PRKCQ: variants seen among roughly 807,000 people sequenced by gnomAD.
The protein encoded by PRKCQ is protein kinase C theta type.
Under a neutral mutation model 91.2 loss-of-function variants are expected in PRKCQ, and 41 were observed. That is an observed-to-expected ratio of 0.45 (90% CI 0.35 to 0.58). The LOEUF is 0.58. PRKCQ is among the 20% of genes least tolerant of loss of function. The pLI is 0.00. For missense variants in PRKCQ, 673 were observed against 896.5 expected (o/e 0.75, Z 3.18); for synonymous variants, 307 against 316.9 (o/e 0.97, Z 0.33).
chr10:6,428,385 A>AAAG, intron 17 of PRKCQ, 23 bp from the exon 18 acceptor site: 1 of 1,602,718 alleles, frequency 6.2e-7, no homozygotes, highest in South Asian at 1.1e-5. Flanking sequence ...TTAAGGGAAG[A>AAAG]AAGAAAGAGA....
the PRKCQ span, among the ~76,000 whole-genome samples, chr10:6,396,342 T>C: frequency 6.6e-6 from 1 of 152,226 alleles, no homozygotes; most frequent in South Asian, 2.1e-4. Context: ...ATGCTTTTCA[T>C]ATATTTACAG....
At chr10:6,396,005 A>T in the PRKCQ span, among the ~76,000 whole-genome samples, 3 of 152,172 alleles carry the variant, frequency 2.0e-5, no homozygotes, top group African/African-American at 4.8e-5. Context: ...TCAAGCAGTG[A>T]GACTTCCTAG....
chr10:6,506,270 T>A (rs1010799532), intron 4 of PRKCQ, among the ~76,000 whole-genome samples: 21 of 152,188 alleles, frequency 1.4e-4, no homozygotes, highest in Non-Finnish European at 2.2e-4. Flanking sequence ...GTTGAGCAAA[T>A]ACTATAATCA....
the PRKCQ span, among the ~76,000 whole-genome samples, chr10:6,395,390 C>G: frequency 6.6e-6 from 1 of 152,014 alleles, no homozygotes; most frequent in Non-Finnish European, 1.5e-5. Context: ...TTACTCAAGC[C>G]AGTCTCCCTG....
chr10:6,532,355 T>C (rs1025309384), intron 1 of PRKCQ, among the ~76,000 whole-genome samples: 11 of 152,218 alleles, frequency 7.2e-5, no homozygotes, highest in Admixed American at 5.2e-4. Flanking sequence ...ATGGGATACA[T>C]AGTTGGCAAA....
the PRKCQ span, among the ~76,000 whole-genome samples, chr10:6,395,297 C>G: frequency 1.3e-5 from 2 of 151,054 alleles, no homozygotes; most frequent in African/African-American, 2.4e-5. Flanking sequence ...ATCTCCTGAC[C>G]TCGTGATCCG....
chr10:6,445,437 T>C (rs1182770052), intron 15 of PRKCQ, among the ~76,000 whole-genome samples: 1 of 152,184 alleles, frequency 6.6e-6, no homozygotes, highest in African/African-American at 2.4e-5. Flanking sequence ...CCTTATTGTG[T>C]AGTTTTGGGA....
chr10:6,409,136 T>G, the PRKCQ span, among the ~76,000 whole-genome samples: 1 of 152,190 alleles, frequency 6.6e-6, no homozygotes, highest in Non-Finnish European at 1.5e-5. Flanking sequence ...GTGACCAAGG[T>G]TGTTTGTCAC....
chr10:6,410,976 C>CAAAA, the PRKCQ span, among the ~76,000 whole-genome samples: 1 of 87,530 alleles, frequency 1.1e-5, no homozygotes, highest in Non-Finnish European at 2.1e-5. Flanking sequence ...GATTCCGTTT[C>CAAAA]AAAAAAAAAA....
At chr10:6,548,966 C>T (rs1028183566) in intron 1 of PRKCQ, among the ~76,000 whole-genome samples, 1 of 152,192 alleles carries the variant, frequency 6.6e-6, no homozygotes, top group Non-Finnish European at 1.5e-5. Context: ...ATTGATCCAT[C>T]CATGATCCAT....
At chr10:6,579,022 T>C (rs997866181) in intron 1 of PRKCQ, among the ~76,000 whole-genome samples, 1 of 152,022 alleles carries the variant, frequency 6.6e-6, no homozygotes, top group Non-Finnish European at 1.5e-5. Context: ...AGCAACGGAG[T>C]GGACCCTCCA....
downstream of PRKCQ, among the ~76,000 whole-genome samples, chr10:6,424,034 TCTC>T (rs936243508): frequency 6.6e-6 from 1 of 151,818 alleles, no homozygotes; most frequent in African/African-American, 2.4e-5. Context: ...GTGCAAGAAA[TCTC>T]CTGTGTAGCT....
intron 16 of PRKCQ, among the ~76,000 whole-genome samples, chr10:6,438,226 G>C (rs1191145321): frequency 6.6e-6 from 1 of 152,218 alleles, no homozygotes; most frequent in Admixed American, 6.5e-5. Context: ...TGATTTTCCA[G>C]GGAGAGCCCT....
rs182866284 is a variant in PRKCQ, at chr10:6,439,904, C to T, written c.1836+1989G>A. ...CTGAGCTGTTCAAAGGTCAACTGTA[C>T]TGGCTGATATGGTTTGGCTTTGTGT... On this transcript the variant is annotated intron_variant, in intron 16 of 17. Transcript: ENST00000263125. Among the ~76,000 whole-genome samples the T allele has an allele frequency of 2.9e-4, 44 of 152,220 alleles. No homozygotes were observed. The East Asian group carries it at 7.7e-3, about 27-fold the overall frequency.
rs533661311 is a variant in PRKCQ at position 6,492,666 on chromosome 10, C to T, written c.661-854G>A. ...GGAGTGGGAGAGGGATGCTAGTGATCGACATGGAATTTTTTTAAAAAACAG... is the reference window on the plus strand; with the variant it reads ...GGAGTGGGAGAGGGATGCTAGTGATTGACATGGAATTTTTTTAAAAAACAG... On this transcript the variant is annotated intron_variant, in intron 7 of 17. Transcript: ENST00000263125. Among the ~76,000 whole-genome samples, 24 of 152,162 alleles carry T rather than the reference C, an allele frequency of 1.6e-4. No homozygotes were observed. The East Asian group carries it at 2.9e-3, about 18-fold the overall frequency.
intron 16 of PRKCQ, among the ~76,000 whole-genome samples, chr10:6,440,754 C>T (rs898790900): frequency 2.0e-5 from 3 of 152,004 alleles, no homozygotes; most frequent in East Asian, 3.9e-4. Context: ...TTTGGGAGGC[C>T]GAGGCGGGCA....
At chr10:6,470,939 A>G (rs1442887101) in intron 12 of PRKCQ, among the ~76,000 whole-genome samples, 1 of 152,042 alleles carries the variant, frequency 6.6e-6, no homozygotes, top group Admixed American at 6.6e-5. Flanking sequence ...AAAAAAAAAA[A>G]AATCAAGGCA....
At chr10:6,504,745 C>G (rs1423225743) in intron 4 of PRKCQ, among the ~76,000 whole-genome samples, 1 of 152,130 alleles carries the variant, frequency 6.6e-6, no homozygotes, top group Non-Finnish European at 1.5e-5. Context: ...TAAAAGAATG[C>G]TCTCCTCCTT....
chr10:6,511,829 A>T (rs1227759882), intron 2 of PRKCQ, among the ~76,000 whole-genome samples: 16 of 152,174 alleles, frequency 1.1e-4, no homozygotes, highest in Non-Finnish European at 1.5e-4. Context: ...TGTAAATTCC[A>T]AGCTTTAAGA....
Sources: gnomAD v4.1 joint callset for allele counts (sites outside exome capture counted in the v4.1 genomes callset) on GRCh38, gnomAD v4.1.1 for gene constraint, MANE v1.5 for transcripts, NCBI Gene and HGNC (gene_info 2026-07-23, HGNC 2026-07-21) for gene names.